NBEA: variants seen among roughly 807,000 people sequenced by gnomAD.
NBEA encodes lysosomal-trafficking regulator 2.
A neutral mutation model predicts 343.4 loss-of-function variants in NBEA; 44 were observed. The observed-to-expected ratio is 0.13, with a 90% CI of 0.10 to 0.16. NBEA has a LOEUF of 0.16. Among genes scored for constraint, NBEA ranks in the 10% least tolerant of loss-of-function variants. The pLI, the probability that NBEA is intolerant of heterozygous loss-of-function variation, is 1.00. For synonymous variants in NBEA, 1,175 were observed against 1,238.7 expected, an observed-to-expected ratio of 0.95 and a Z score of 1.08; for missense variants, 2,555 against 3,631.3, an observed-to-expected ratio of 0.70 and a Z score of 7.62.
intron 2 of NBEA, among the ~76,000 whole-genome samples, chr13:35,044,089 T>G (rs1337889746): frequency 1.3e-5 from 2 of 152,124 alleles, no homozygotes; most frequent in Non-Finnish European, 2.9e-5. Context: ...AAATGTATAA[T>G]TTTTCTCATT....
At chr13:35,357,514 C>T (rs935347127) in intron 38 of NBEA, among the ~76,000 whole-genome samples, 3 of 152,006 alleles carry the variant, frequency 2.0e-5, no homozygotes, top group African/African-American at 7.2e-5. Flanking sequence ...GTGTTCTCAT[C>T]ATTTAGCTCC....
In NBEA at chr13:35,061,728, C is replaced by T. The variant is rs1348661648; in HGVS notation, c.1239+2865C>T. Among the ~76,000 whole-genome samples the T allele has an allele frequency of 2.0e-5, 3 of 151,686 alleles. No homozygotes were observed. In the East Asian group the frequency reaches 5.8e-4, roughly 29 times the overall value. ...ACAACCTCCAAATTAAAATTCACTT[C>T]AGAGGATTTCCAATACTTGTATGGA... On this transcript the variant is annotated intron_variant, in intron 8 of 58. Coordinates refer to ENST00000379939, the MANE Select transcript of NBEA (RefSeq NM_001385012.1).
intron 18 of NBEA, among the ~76,000 whole-genome samples, chr13:35,148,097 C>T (rs1213419316): frequency 1.3e-5 from 2 of 152,058 alleles, no homozygotes; most frequent in Admixed American, 6.5e-5. Context: ...GGCGAGGTTT[C>T]CAAACACTGG....
chr13:35,572,964 A>G (rs919484544), intron 45 of NBEA, among the ~76,000 whole-genome samples: 3 of 152,212 alleles, frequency 2.0e-5, no homozygotes, highest in Admixed American at 6.5e-5. Context: ...GGGCAAAACT[A>G]CTAGGTGTGT....
chr13:35,412,435 C>T (rs1275925759), intron 38 of NBEA, among the ~76,000 whole-genome samples: 2 of 152,076 alleles, frequency 1.3e-5, no homozygotes, highest in East Asian at 3.9e-4. Flanking sequence ...AGTGGGTTCC[C>T]CCATTTTCAT....
intron 36 of NBEA, among the ~76,000 whole-genome samples, chr13:35,347,432 G>C (rs1186329778): frequency 6.6e-6 from 1 of 151,974 alleles, no homozygotes; most frequent in Non-Finnish European, 1.5e-5. Flanking sequence ...ATGAGGATTA[G>C]AATGAAATTT....
chr13:35,324,263 T>A (rs1205740746), intron 36 of NBEA, among the ~76,000 whole-genome samples: 1 of 152,244 alleles, frequency 6.6e-6, no homozygotes, highest in East Asian at 1.9e-4. Context: ...TCATAGATTT[T>A]AGCCTATGCA....
At chr13:34,984,543 A>G (rs191065339) in intron 1 of NBEA, among the ~76,000 whole-genome samples, 9 of 139,078 alleles carry the variant, frequency 6.5e-5, no homozygotes, top group African/African-American at 2.0e-4. Context: ...TTTTGGTTGC[A>G]TATGAACTTT....
Position 35,055,997 on chromosome 13 carries a change from T to C in NBEA, c.973-13T>C. ...AACATTACATATTGATATATTTAAT[T>C]TTTTTATTTAAGTGGTACATGATCA... is the stretch of plus-strand genomic sequence containing the variant. On this transcript the variant is annotated splice_polypyrimidine_tract_variant and intron_variant, in intron 6 of 58. Transcript: ENST00000379939. The C allele has an allele frequency of 6.4e-7, 1 of 1,567,022 alleles. No homozygotes were observed. The highest frequency in any genetic ancestry group is 1.2e-5 in the South Asian group (1 of 80,920).
At chr13:35,643,091 CTT>C (rs75357259) in intron 49 of NBEA, among the ~76,000 whole-genome samples, 3 of 146,014 alleles carry the variant, frequency 2.1e-5, no homozygotes, top group Non-Finnish European at 4.5e-5. Flanking sequence ...CCAGTAGTTT[CTT>C]TTTTTTTTTA....
chr13:35,391,810 C>T (rs545108811), intron 38 of NBEA, among the ~76,000 whole-genome samples: 34 of 152,124 alleles, frequency 2.2e-4, no homozygotes, highest in Non-Finnish European at 4.9e-4. Flanking sequence ...CTATCTCTGG[C>T]ATTGATTGTC....
Position 35,096,854 on chromosome 13 carries a change from CA to C in NBEA, c.1572-1442del, listed in dbSNP as rs1231676452. ...TAACAGCTGTGCTTCTTTACAGAAACATTTTTTTAAATCCCAAGAGATTCCT... is the reference window on the plus strand; with the variant it reads ...TAACAGCTGTGCTTCTTTACAGAAACTTTTTTTAAATCCCAAGAGATTCCT... On this transcript the variant is annotated intron_variant, in intron 10 of 58. Transcript: ENST00000379939. 3.3e-5 allele frequency among the ~76,000 whole-genome samples: 5 copies of C among 151,828 alleles called. No homozygotes were observed. The East Asian group carries it at 9.6e-4, about 29-fold the overall frequency.
chr13:35,467,737 C>A (rs934742860), intron 40 of NBEA, among the ~76,000 whole-genome samples: 36 of 151,890 alleles, frequency 2.4e-4, no homozygotes, highest in African/African-American at 8.7e-4. Context: ...TTTATTATCC[C>A]AAAATAACAA....
chr13:35,558,400 C>A (rs1450425632), intron 44 of NBEA, among the ~76,000 whole-genome samples: 1 of 151,966 alleles, frequency 6.6e-6, no homozygotes, highest in Non-Finnish European at 1.5e-5. Context: ...CCATAGGTGA[C>A]ATTTAAATTG....
intron 1 of NBEA, among the ~76,000 whole-genome samples, chr13:35,003,275 AG>A (rs1023415754): frequency 2.0e-4 from 30 of 152,244 alleles, no homozygotes; most frequent in African/African-American, 7.0e-4. Flanking sequence ...CAGCTACTTC[AG>A]GGGGGCTGAG....
At chr13:35,290,304 A>G (rs1040228222) in intron 34 of NBEA, 85 bp from the exon 35 acceptor site, 41 of 864,286 alleles carry the variant, frequency 4.7e-5, no homozygotes, top group Non-Finnish European at 7.0e-5. Context: ...TTTTTTTTAT[A>G]AATTAAAATT....
At chr13:35,551,291 A>G (rs751734388) in intron 43 of NBEA, among the ~76,000 whole-genome samples, 6 of 152,208 alleles carry the variant, frequency 3.9e-5, no homozygotes, top group Non-Finnish European at 7.4e-5. Flanking sequence ...CTAGCATATA[A>G]TTAAGACATT....
At chr13:35,552,356 A>G (rs2079367935) in intron 43 of NBEA, among the ~76,000 whole-genome samples, 1 of 152,204 alleles carries the variant, frequency 6.6e-6, no homozygotes. Flanking sequence ...CTTACAGTGT[A>G]AGACCAATTC....
chr13:35,654,377 A>G (rs1377829334), intron 53 of NBEA, among the ~76,000 whole-genome samples: 1 of 152,220 alleles, frequency 6.6e-6, no homozygotes, highest in Non-Finnish European at 1.5e-5. Context: ...ACGTAACAAC[A>G]TCCCTTGCTC....
Sources: allele counts gnomAD v4.1 joint callset (sites outside exome capture counted in the v4.1 genomes callset), GRCh38; gene constraint gnomAD v4.1.1; transcripts MANE v1.5; gene names NCBI Gene and HGNC (gene_info 2026-07-23, HGNC 2026-07-21).